Variants in NELL1 observed in about 807,000 individuals in gnomAD.
The protein encoded by NELL1 is protein kinase C-binding protein NELL1.
Under a neutral mutation model 107.4 loss-of-function variants are expected in NELL1, and 76 were observed. That is an observed-to-expected ratio of 0.71 (90% CI 0.59 to 0.86). The LOEUF (loss-of-function observed/expected upper bound fraction) is 0.86, where lower values mean the gene tolerates loss of function less well. NELL1 is among the 40% of genes least tolerant of loss of function. The pLI is 0.00. For missense variants in NELL1, 1,024 were observed against 1,005.5 expected (o/e 1.02, Z -0.25); for synonymous variants, 353 against 341.2 (o/e 1.03, Z -0.38).
chr11:21,066,043 T>G (rs1853860296), intron 12 of NELL1, among the ~76,000 whole-genome samples: 2 of 152,230 alleles, frequency 1.3e-5, no homozygotes, highest in South Asian at 4.1e-4. Context: ...ATTCTTAGTT[T>G]CACTTTTAAA....
chr11:21,241,705 C>T (rs987816432), intron 14 of NELL1, among the ~76,000 whole-genome samples: 1 of 152,078 alleles, frequency 6.6e-6, no homozygotes, highest in African/African-American at 2.4e-5. Context: ...GTGGTTCTCA[C>T]TTGCCTGTTT....
At chr11:20,756,926 A>G (rs1352556071) in intron 2 of NELL1, among the ~76,000 whole-genome samples, 1 of 152,118 alleles carries the variant, frequency 6.6e-6, no homozygotes, top group East Asian at 1.9e-4. Context: ...AATTGCATGG[A>G]CCAGGGTGAG....
intron 15 of NELL1, among the ~76,000 whole-genome samples, chr11:21,492,482 A>G (rs1374914867): frequency 6.6e-6 from 1 of 151,800 alleles, no homozygotes; most frequent in Non-Finnish European, 1.5e-5. Context: ...AATAGCAAAG[A>G]CTTGGAACCA....
intron 15 of NELL1, among the ~76,000 whole-genome samples, chr11:21,466,541 A>T (rs1327607734): frequency 6.6e-6 from 1 of 152,200 alleles, no homozygotes; most frequent in Non-Finnish European, 1.5e-5. Flanking sequence ...GAGATGAGCA[A>T]TGAATCCTAC....
intron 14 of NELL1, among the ~76,000 whole-genome samples, chr11:21,350,749 G>A (rs1465876766): frequency 6.6e-6 from 1 of 152,176 alleles, no homozygotes; most frequent in East Asian, 1.9e-4. Flanking sequence ...AGAAGCTCAA[G>A]AATCTATTAG....
At chr11:21,284,193 A>G (rs1849059553) in intron 14 of NELL1, 1 of 455,312 alleles carries the variant, frequency 2.2e-6, no homozygotes, top group Non-Finnish European at 4.4e-6. Flanking sequence ...AACATGTTGC[A>G]TACCACCCTA....
chr11:21,042,810 G>A (rs16907316), intron 12 of NELL1, among the ~76,000 whole-genome samples: 14,598 of 152,122 alleles, frequency 0.096, 779 homozygotes, highest in South Asian at 0.22. Context: ...TTCCAGCTCT[G>A]TTTGAAACTG....
rs781412709 is a variant in NELL1, at chr11:20,847,743, G to C, written c.496G>C (p.Asp166His). The C allele has an allele frequency of 6.2e-7, 1 of 1,610,234 alleles. No homozygotes were observed. The highest frequency in any genetic ancestry group is 1.3e-5 in the African/African-American group (1 of 74,758). Residue 166 changes from aspartate (D) to histidine (H), a missense_variant, in exon 4 of 20, where the codon GAC becomes CAC. Physicochemically the swap from Asp to His is moderately conservative, Grantham distance 81. Transcript: ENST00000357134. ...VSASHLLLHV[D>H]CNRIYERVID... ...CGCCTCTCATCTCCTGCTCCATGTC[G>C]ACTGTAACAGGTATTTCTTTGTCTT...
intron 13 of NELL1, among the ~76,000 whole-genome samples, chr11:21,138,788 G>C (rs938319113): frequency 1.3e-5 from 2 of 152,162 alleles, no homozygotes; most frequent in African/African-American, 4.8e-5. Flanking sequence ...AAGAATGATA[G>C]TTTCTGTTTG....
intron 5 of NELL1, among the ~76,000 whole-genome samples, chr11:20,903,889 TAA>T (rs1393991948): frequency 3.3e-5 from 5 of 152,072 alleles, no homozygotes; most frequent in Non-Finnish European, 7.4e-5. Flanking sequence ...AAGGCAACCT[TAA>T]AACAGTAGGA....
intron 12 of NELL1, among the ~76,000 whole-genome samples, chr11:21,045,313 T>C (rs538335340): frequency 6.6e-6 from 1 of 152,122 alleles, no homozygotes; most frequent in Non-Finnish European, 1.5e-5. Context: ...AAGTTGTGAA[T>C]GTCTGAAGTG....
chr11:21,574,437 T>A (rs1857174731), intron 19 of NELL1, among the ~76,000 whole-genome samples: 1 of 151,830 alleles, frequency 6.6e-6, no homozygotes, highest in Non-Finnish European at 1.5e-5. Flanking sequence ...TATAAAGGTA[T>A]ATTTACATTA....
chr11:20,712,868 C>G (rs954871199), intron 2 of NELL1, among the ~76,000 whole-genome samples: 1 of 152,188 alleles, frequency 6.6e-6, no homozygotes, highest in Non-Finnish European at 1.5e-5. Context: ...AGCACCTGCT[C>G]TGGTGGAGGT....
At chr11:21,181,027 A>C (rs1392276937) in intron 13 of NELL1, among the ~76,000 whole-genome samples, 1 of 151,832 alleles carries the variant, frequency 6.6e-6, no homozygotes, top group Non-Finnish European at 1.5e-5. Flanking sequence ...CGAAGTGCCT[A>C]TACTTCCCCA....
intron 17 of NELL1, among the ~76,000 whole-genome samples, chr11:21,565,147 A>G (rs1004289700): frequency 5.9e-5 from 9 of 151,686 alleles, no homozygotes; most frequent in African/African-American, 2.2e-4. Flanking sequence ...CATTATAAAT[A>G]TTTTCCTGTC....
chr11:21,119,896 C>T (rs865846155), intron 13 of NELL1, among the ~76,000 whole-genome samples: 10 of 152,030 alleles, frequency 6.6e-5, no homozygotes, highest in East Asian at 1.9e-4. Context: ...TCATTAGATA[C>T]GCAGGCAGTT....
intron 3 of NELL1, among the ~76,000 whole-genome samples, chr11:20,786,750 T>A (rs1164076473): frequency 6.6e-6 from 1 of 152,146 alleles, no homozygotes. Context: ...GGTTTACACC[T>A]GTAATCCCAG....
intron 15 of NELL1, among the ~76,000 whole-genome samples, chr11:21,492,595 G>A (rs1489158456): frequency 6.6e-6 from 1 of 151,916 alleles, no homozygotes; most frequent in Non-Finnish European, 1.5e-5. Context: ...GTCCTTTGTA[G>A]GGACATGGAT....
intron 12 of NELL1, among the ~76,000 whole-genome samples, chr11:21,087,305 C>T (rs2133682210): frequency 6.6e-6 from 1 of 152,066 alleles, no homozygotes; most frequent in Admixed American, 6.5e-5. Context: ...ATGTTCATAT[C>T]CTGGAACTTT....
Sources: allele counts gnomAD v4.1 joint callset (sites outside exome capture counted in the v4.1 genomes callset), GRCh38; gene constraint gnomAD v4.1.1; transcripts MANE v1.5; gene names NCBI Gene and HGNC (gene_info 2026-07-23, HGNC 2026-07-21).